The following TPRG1 variants were observed in gnomAD, a reference collection of about 807,000 sequenced individuals.
The protein encoded by TPRG1 is tumor protein p63-regulated gene 1 protein.
In TPRG1, 29 loss-of-function variants were observed where a neutral mutation model predicts 29.3. The ratio of observed to expected loss-of-function variants is 0.99; its 90% CI spans 0.74 to 1.35. The LOEUF is 1.35. TPRG1 is among the 40% of genes most tolerant of loss of function. TPRG1 has a pLI of 0.00. For missense variants in TPRG1, 327 were observed against 335.0 expected (o/e 0.98, Z 0.19); for synonymous variants, 130 against 116.8 (o/e 1.11, Z -0.73).
intron 4 of TPRG1, among the ~76,000 whole-genome samples, chr3:189,081,021 A>G (rs1218278322): frequency 6.6e-6 from 1 of 151,958 alleles, no homozygotes; most frequent in African/African-American, 2.4e-5. Context: ...AGAGATGAAT[A>G]TTTCTCTTTA....
chr3:189,228,707 G>A (rs4687034), intron 3 of TPRG1, among the ~76,000 whole-genome samples: 44,169 of 151,854 alleles, frequency 0.29, 6,944 homozygotes, highest in South Asian at 0.48. Flanking sequence ...CAAGGAAAGC[G>A]TATTCATTCT....
chr3:189,169,188 G>A (rs1217098980), upstream of TPRG1, among the ~76,000 whole-genome samples: 2 of 152,160 alleles, frequency 1.3e-5, no homozygotes, highest in African/African-American at 2.4e-5. Flanking sequence ...TATTTGAGAT[G>A]GAGTCTCACT....
chr3:189,193,554 T>A (rs1170985755), intron 1 of TPRG1, among the ~76,000 whole-genome samples: 1 of 152,108 alleles, frequency 6.6e-6, no homozygotes, highest in African/African-American at 2.4e-5. Context: ...TACAAATATT[T>A]GTTCACTTAA....
upstream of TPRG1, among the ~76,000 whole-genome samples, chr3:189,095,986 A>G (rs139516450): frequency 2.0e-4 from 30 of 152,304 alleles, no homozygotes; most frequent in East Asian, 4.8e-3. Flanking sequence ...CTTGACCTCT[A>G]TCAGTCGTAT....
chr3:189,229,537 C>G (rs1738309104), intron 3 of TPRG1, among the ~76,000 whole-genome samples: 1 of 152,180 alleles, frequency 6.6e-6, no homozygotes, highest in South Asian at 2.1e-4. Context: ...GTTTTGAAAG[C>G]AGATCTGAAA....
intron 4 of TPRG1, among the ~76,000 whole-genome samples, chr3:189,293,975 C>A (rs1044276678): frequency 2.6e-5 from 4 of 152,196 alleles, no homozygotes; most frequent in Non-Finnish European, 4.4e-5. Flanking sequence ...TCTTCTACTA[C>A]CTGTCTGCAA....
chr3:189,087,806 C>T (rs1247608150), intron 4 of TPRG1, among the ~76,000 whole-genome samples: 1 of 152,112 alleles, frequency 6.6e-6, no homozygotes, highest in Non-Finnish European at 1.5e-5. Flanking sequence ...TGTCAAAGAT[C>T]AGATGGTTGT....
chr3:189,285,180 AC>A (rs780209979), intron 4 of TPRG1, among the ~76,000 whole-genome samples: 1 of 152,242 alleles, frequency 6.6e-6, no homozygotes, highest in African/African-American at 2.4e-5. Context: ...GCCAAAAGAC[AC>A]AGAAAAAATG....
At chr3:189,023,035 C>G (rs1166854522) in intron 3 of TPRG1, among the ~76,000 whole-genome samples, 4 of 152,250 alleles carry the variant, frequency 2.6e-5, no homozygotes, top group Non-Finnish European at 5.9e-5. Flanking sequence ...AAAGGGAACT[C>G]CCTGACCCCT....
intron 4 of TPRG1, among the ~76,000 whole-genome samples, chr3:189,054,682 C>T (rs1168921933): frequency 6.6e-6 from 1 of 151,812 alleles, no homozygotes; most frequent in Non-Finnish European, 1.5e-5. Context: ...ACTGGGGAGG[C>T]TGAGTGAGAG....
At chr3:189,280,986 C>T (rs1717036790) in intron 4 of TPRG1, among the ~76,000 whole-genome samples, 1 of 152,156 alleles carries the variant, frequency 6.6e-6, no homozygotes, top group Non-Finnish European at 1.5e-5. Context: ...AGAATGATGG[C>T]AAGCTCTCCT....
At chr3:189,023,449 T>C (rs185437501) in intron 3 of TPRG1, among the ~76,000 whole-genome samples, 8 of 152,346 alleles carry the variant, frequency 5.3e-5, no homozygotes, top group African/African-American at 1.9e-4. Flanking sequence ...AGCATGCTCC[T>C]TTAACTTAGC....
chr3:189,041,257 G>A (rs1267155627), intron 4 of TPRG1, among the ~76,000 whole-genome samples: 3 of 152,152 alleles, frequency 2.0e-5, no homozygotes. Context: ...GGATTCTCAT[G>A]TAGCATGGTC....
At chr3:189,137,936 T>G (rs556186481) in intron 3 of TPRG1, among the ~76,000 whole-genome samples, 1 of 152,264 alleles carries the variant, frequency 6.6e-6, no homozygotes, top group East Asian at 1.9e-4. Context: ...GATGTAGCCT[T>G]AGGGTACCTA....
chr3:189,105,318 T>A (rs1249219556), intron 1 of TPRG1, among the ~76,000 whole-genome samples: 3 of 152,132 alleles, frequency 2.0e-5, no homozygotes, highest in Non-Finnish European at 4.4e-5. Flanking sequence ...AGCACCTGAA[T>A]CTTCTCTATA....
intron 3 of TPRG1, among the ~76,000 whole-genome samples, chr3:189,229,866 C>T (rs1738355650): frequency 1.3e-5 from 2 of 152,220 alleles, no homozygotes; most frequent in Non-Finnish European, 2.9e-5. Flanking sequence ...ACCATACAAG[C>T]TGTAACGAAC....
chr3:189,029,461 A>C (rs1423931026), intron 4 of TPRG1, among the ~76,000 whole-genome samples: 1 of 152,238 alleles, frequency 6.6e-6, no homozygotes, highest in East Asian at 1.9e-4. Context: ...CTTTCATTAT[A>C]GAACAGACAA....
intron 4 of TPRG1, among the ~76,000 whole-genome samples, chr3:189,089,669 T>G (rs1428537431): frequency 6.6e-6 from 1 of 152,130 alleles, no homozygotes; most frequent in Non-Finnish European, 1.5e-5. Flanking sequence ...CATGTCTCTC[T>G]TCCTCTTCTT....
At chr3:188,998,694 C>T (rs1482120563) in intron 1 of TPRG1, among the ~76,000 whole-genome samples, 1 of 152,138 alleles carries the variant, frequency 6.6e-6, no homozygotes, top group East Asian at 1.9e-4. Context: ...AACTGGAGTT[C>T]ATTTTGTTAA....
Sources: gnomAD v4.1 joint callset for allele counts (sites outside exome capture counted in the v4.1 genomes callset) on GRCh38, gnomAD v4.1.1 for gene constraint, MANE v1.5 for transcripts, NCBI Gene and HGNC (gene_info 2026-07-23, HGNC 2026-07-21) for gene names.